Variants in IMPG2 observed in about 807,000 individuals in gnomAD.
IMPG2 encodes the protein interphotoreceptor matrix proteoglycan 2, also known as IPM 200.
Under a neutral mutation model 129.2 loss-of-function variants are expected in IMPG2, and 91 were observed. The observed-to-expected ratio is 0.70, with a 90% CI of 0.59 to 0.84. IMPG2 has a LOEUF of 0.84. Ranked by LOEUF, IMPG2 falls within the 40% of genes least tolerant of loss-of-function variation. IMPG2 has a pLI of 0.00. For missense variants in IMPG2, 1,430 were observed against 1,461.7 expected (o/e 0.98, Z 0.35); for synonymous variants, 510 against 517.7 (o/e 0.99, Z 0.20).
intron 9 of IMPG2, among the ~76,000 whole-genome samples, chr3:101,264,682 C>A (rs181204440): frequency 1.0e-3 from 154 of 151,920 alleles, no homozygotes; most frequent in African/African-American, 3.6e-3. Flanking sequence ...CAGCATAGTA[C>A]CAGAAGTCCT....
At chr3:101,240,518 A>T (rs548371307) in intron 14 of IMPG2, among the ~76,000 whole-genome samples, 1 of 152,334 alleles carries the variant, frequency 6.6e-6, no homozygotes, top group African/African-American at 2.4e-5. Context: ...TATATATACT[A>T]CTTGTTTATG....
intron 14 of IMPG2, among the ~76,000 whole-genome samples, chr3:101,236,052 T>C (rs1181366507): frequency 6.6e-6 from 1 of 152,214 alleles, no homozygotes; most frequent in Non-Finnish European, 1.5e-5. Flanking sequence ...CTTCATTCCA[T>C]TAGCAAATGC....
Position 101,229,558 on chromosome 3 carries a change from G to T in IMPG2, c.3455C>A (p.Ser1152Tyr). Residue 1152 changes from serine to tyrosine, a missense_variant, in exon 17 of 19, where the codon TCT (serine) becomes TAT (tyrosine). By Grantham distance (144) the Ser-to-Tyr change is moderately radical. Transcript: ENST00000193391. ...GTTGTACTTCACAGCATTCTCAATA[G>T]ATGAGAGGCTGTCAGGCTGCCTGCT... is the stretch of plus-strand genomic sequence containing the variant. ...GSSRQPDSLSSIENAVKYNPV... is the reference protein window; with the variant it reads ...GSSRQPDSLSYIENAVKYNPV... 1 of 1,614,032 alleles carries T rather than the reference G, an allele frequency of 6.2e-7. No homozygotes were observed.
chr3:101,276,851 A>T, intron 4 of IMPG2, 138 bp from the exon 5 acceptor site: 2 of 654,472 alleles, frequency 3.1e-6, no homozygotes, highest in Admixed American at 5.6e-5. Flanking sequence ...CAAAAAGCAA[A>T]GTTTTTTAAA....
At chr3:101,280,604 G>A (rs1323668412) in intron 4 of IMPG2, among the ~76,000 whole-genome samples, 1 of 152,008 alleles carries the variant, frequency 6.6e-6, no homozygotes, top group Non-Finnish European at 1.5e-5. Context: ...GGGGTTAATG[G>A]GACAGTGACA....
chr3:101,303,826 A>G (rs1245982462), intron 3 of IMPG2, among the ~76,000 whole-genome samples: 1 of 152,214 alleles, frequency 6.6e-6, no homozygotes, highest in Non-Finnish European at 1.5e-5. Flanking sequence ...ACGGATTTAT[A>G]TTCTTAACCT....
At chr3:101,230,874 C>T in intron 16 of IMPG2, 83 bp downstream of exon 16, 1 of 1,255,158 alleles carries the variant, frequency 8.0e-7, no homozygotes, top group Non-Finnish European at 1.2e-6. Flanking sequence ...AGCTCCTTGT[C>T]CAATATTTGG....
Position 101,267,523 on chromosome 3 carries a change from T to C in IMPG2, c.896A>G (p.Lys299Arg), listed in dbSNP as rs748539768. ...EIRVLEFRSP[K>R]ENDSGVDVYY... ...TGCCAAAAAGTACCTGTCATTTTCC[T>C]TGGGGGACCTGAAAACAAAAATTAA... The change falls in exon 9 of 19, where the codon AAG (lysine) becomes AGG (arginine). Residue 299 changes from lysine (K) to arginine (R), a missense_variant. Physicochemically the swap from Lys to Arg is conservative, Grantham distance 26 (BLOSUM62 2). Coordinates refer to ENST00000193391, the MANE Select transcript of IMPG2 (RefSeq NM_016247.4). 1 of 1,611,272 alleles carries C rather than the reference T, an allele frequency of 6.2e-7. No individual in the cohort carries two copies. Among genetic ancestry groups the C allele is most frequent in the Admixed American group, 1.7e-5 (1 of 60,012 alleles).
intron 2 of IMPG2, 125 bp downstream of exon 2, chr3:101,319,459 G>A (rs1432837151): frequency 3.6e-6 from 4 of 1,097,314 alleles, no homozygotes; most frequent in Non-Finnish European, 5.5e-6. Context: ...CTTAGCAGTA[G>A]AAAGGTAGTT....
intron 7 of IMPG2, among the ~76,000 whole-genome samples, chr3:101,272,604 C>T (rs560503488): frequency 6.6e-6 from 1 of 152,328 alleles, no homozygotes; most frequent in Non-Finnish European, 1.5e-5. Context: ...GCCCAAGACA[C>T]TCTTTGATGC....
intron 8 of IMPG2, among the ~76,000 whole-genome samples, chr3:101,268,002 T>G (rs1706739910): frequency 6.6e-6 from 1 of 152,182 alleles, no homozygotes; most frequent in Non-Finnish European, 1.5e-5. Context: ...AGCAGATGCT[T>G]AAATAGAACT....
intron 9 of IMPG2, among the ~76,000 whole-genome samples, chr3:101,259,677 G>A (rs1040583850): frequency 1.3e-5 from 2 of 151,818 alleles, no homozygotes; most frequent in Non-Finnish European, 2.9e-5. Flanking sequence ...ATATCATAGA[G>A]TCTAGGAAAA....
chr3:101,267,009 G>T (rs1706727638), intron 9 of IMPG2, among the ~76,000 whole-genome samples: 1 of 152,136 alleles, frequency 6.6e-6, no homozygotes, highest in Admixed American at 6.5e-5. Context: ...ATAAAAAGAA[G>T]GAAATCCTGT....
At chr3:101,258,496 A>G (rs1029767407) in intron 9 of IMPG2, among the ~76,000 whole-genome samples, 1 of 152,142 alleles carries the variant, frequency 6.6e-6, no homozygotes, top group Non-Finnish European at 1.5e-5. Flanking sequence ...CCAATTTTGT[A>G]TGTAACTTAG....
Position 101,257,817 on chromosome 3 carries a change from C to G in IMPG2, c.909-44G>C, listed in dbSNP as rs550281015. The G allele has an allele frequency of 9.9e-6, 16 of 1,608,906 alleles. No individual in the cohort carries two copies. In the East Asian group the frequency reaches 2.0e-4, roughly 20 times the overall value. ...AACAGGTTAGGTTCAGCTAAGGAAG[C>G]ACAAAGAAAGGAGCATTGAACCCAT... On this transcript the variant is annotated intron_variant, in intron 9 of 18. Transcript: ENST00000193391.
At chr3:101,279,783 T>C (rs1706874353) in intron 4 of IMPG2, among the ~76,000 whole-genome samples, 2 of 152,242 alleles carry the variant, frequency 1.3e-5, no homozygotes, top group African/African-American at 4.8e-5. Flanking sequence ...GAACTAGATT[T>C]CACCTTGCTG....
chr3:101,307,763 C>T (rs759747435), intron 2 of IMPG2, among the ~76,000 whole-genome samples: 3 of 152,174 alleles, frequency 2.0e-5, no homozygotes, highest in African/African-American at 4.8e-5. Flanking sequence ...CTCATGTCCT[C>T]ACATTTCAAA....
chr3:101,307,971 GAAATTGGCCA>G (rs1401490795), intron 2 of IMPG2, among the ~76,000 whole-genome samples: 4 of 152,136 alleles, frequency 2.6e-5, no homozygotes, highest in African/African-American at 4.8e-5. Flanking sequence ...GCAAATGGGA[GAAATTGGCCA>G]AAATTGGCCA....
At chr3:101,255,820 T>C (rs1706592417) in intron 10 of IMPG2, among the ~76,000 whole-genome samples, 1 of 151,990 alleles carries the variant, frequency 6.6e-6, no homozygotes, top group African/African-American at 2.4e-5. Flanking sequence ...TATAAGGAAG[T>C]GAGCCCAGGA....
Sources: allele counts gnomAD v4.1 joint callset (sites outside exome capture counted in the v4.1 genomes callset), GRCh38; gene constraint gnomAD v4.1.1; transcripts MANE v1.5; gene names NCBI Gene and HGNC (gene_info 2026-07-23, HGNC 2026-07-21).